NEMF: variants seen among roughly 807,000 people sequenced by gnomAD.
NEMF encodes the protein ribosome quality control complex subunit NEMF.
Under a neutral mutation model 162.2 loss-of-function variants are expected in NEMF, and 89 were observed. That is an observed-to-expected ratio of 0.55 (90% CI 0.46 to 0.65). NEMF has a LOEUF of 0.65. NEMF is among the 30% of genes least tolerant of loss of function. The pLI is 0.00. For missense variants in NEMF, 1,133 were observed against 1,261.9 expected (o/e 0.90, Z 1.55); for synonymous variants, 421 against 404.5 (o/e 1.04, Z -0.49).
intron 15 of NEMF, 91 bp from the exon 16 acceptor site, chr14:49,826,046 GTCACAAA>G: frequency 2.7e-6 from 2 of 727,922 alleles, no homozygotes; most frequent in South Asian, 1.8e-5. Context: ...TTTTTTAAAT[GTCACAAA>G]ATGGCACAAT....
intron 28 of NEMF, among the ~76,000 whole-genome samples, chr14:49,788,310 A>G (rs1890275349): frequency 6.6e-6 from 1 of 151,204 alleles, no homozygotes. Context: ...AAGAAGAGGT[A>G]CATATTCATG....
chr14:49,794,427 A>C, intron 26 of NEMF, among the ~76,000 whole-genome samples: 2 of 152,138 alleles, frequency 1.3e-5, no homozygotes, highest in Non-Finnish European at 2.9e-5. Flanking sequence ...GTATGGAAGA[A>C]GGAAAGATCA....
intron 3 of NEMF, among the ~76,000 whole-genome samples, chr14:49,849,018 T>C (rs1228600180): frequency 6.6e-6 from 1 of 152,096 alleles, no homozygotes; most frequent in African/African-American, 2.4e-5. Flanking sequence ...AGAGTTCTTC[T>C]CCAGACCTTA....
At chr14:49,795,389 G>A (rs1339216153) in intron 26 of NEMF, among the ~76,000 whole-genome samples, 1 of 152,030 alleles carries the variant, frequency 6.6e-6, no homozygotes. Context: ...CAGGGGCAGT[G>A]TGGAAAGAGT....
At position 49,784,798 on chromosome 14, in the gene NEMF, A is replaced by G. The variant is rs183765250; in HGVS notation, c.3154-85T>C. On this transcript the variant is annotated intron_variant, in intron 32 of 32. Transcript: ENST00000298310. ...ATGACAAAAACGAAAAACATTTCCAAACTTTTAGCTGAGATGGTTTTACTG... is the reference window on the plus strand; with the variant it reads ...ATGACAAAAACGAAAAACATTTCCAGACTTTTAGCTGAGATGGTTTTACTG... 4.5e-5 allele frequency: 65 copies of G among 1,436,188 alleles called. 2 individuals are homozygous for G. In the East Asian group the frequency reaches 1.2e-3, roughly 27 times the overall value. 89.0% of individuals were successfully genotyped at this position (1,436,188 alleles called of 1,614,324 possible).
chr14:49,829,280 A>G lies in NEMF; in HGVS notation c.1024-18T>C. ...TCTATTTCCTTAAAAAACAAACCAC[A>G]CACATTTACTACATTGCCAGTTAAA... is the stretch of plus-strand genomic sequence containing the variant. On this transcript the variant is annotated intron_variant, in intron 12 of 32. Transcript: ENST00000298310. 6.2e-7 allele frequency: 1 copy of G among 1,613,636 alleles called. No individual in the cohort carries two copies. The highest frequency in any genetic ancestry group is 8.5e-7 in the Non-Finnish European group (1 of 1,179,574).
intron 3 of NEMF, among the ~76,000 whole-genome samples, chr14:49,850,251 T>G (rs1030999444): frequency 6.6e-6 from 1 of 152,120 alleles, no homozygotes; most frequent in South Asian, 2.1e-4. Flanking sequence ...TACAGGTGTG[T>G]GCCACCACGC....
Position 49,782,391 on chromosome 14 carries a change from C to T in NEMF, c.*2245G>A. 6 of 1,612,480 alleles carry T rather than the reference C, an allele frequency of 3.7e-6. No individual in the cohort carries two copies. Among genetic ancestry groups the T allele is most frequent in the Non-Finnish European group, 5.1e-6 (6 of 1,178,792 alleles). ...GCAGGTTATGGCACACAGCTTGTGCCAGCGATGAAGGAGAAGTAATTGTTT... is the reference window on the plus strand; with the variant it reads ...GCAGGTTATGGCACACAGCTTGTGCTAGCGATGAAGGAGAAGTAATTGTTT... On this transcript the variant is annotated 3_prime_UTR_variant, in exon 33 of 33. Coordinates refer to ENST00000298310, the MANE Select transcript of NEMF (RefSeq NM_004713.6).
rs1239216558 is a variant in NEMF at position 49,800,667 on chromosome 14, T to C, written c.2125A>G (p.Lys709Glu). ...TCCACAGGAGTTTCATGTTCTTCTT[T>C]ATCCTCATCACTGCTCGTGTCACCT... ...DGGDTSSDED[K>E]EEHETPVEVE... Residue 709 changes from lysine to glutamate, a missense_variant, in exon 23 of 33, where the codon AAA becomes GAA. Physicochemically the swap from Lys to Glu is moderately conservative, Grantham distance 56. Coordinates refer to ENST00000298310, the MANE Select transcript of NEMF (RefSeq NM_004713.6). 1.2e-6 allele frequency: 2 copies of C among 1,613,976 alleles called. No individual in the cohort carries two copies. The highest frequency in any genetic ancestry group is 1.7e-6 in the Non-Finnish European group (2 of 1,179,992).
chr14:49,812,636 T>C (rs1407900772), intron 18 of NEMF, among the ~76,000 whole-genome samples: 1 of 152,218 alleles, frequency 6.6e-6, no homozygotes, highest in Non-Finnish European at 1.5e-5. Context: ...GTGGCATCTT[T>C]TGTGATTTCC....
rs139114939 is a variant in NEMF, at chr14:49,836,245, C to G, written c.575-1796G>C. Among the ~76,000 whole-genome samples, 491 of 152,328 alleles carry G rather than the reference C, an allele frequency of 3.2e-3. 2 individuals carry two copies. Among genetic ancestry groups the G allele is most frequent in the African/African-American group, 0.011 (459 of 41,574 alleles). Reference sequence around the variant, plus strand: ...AGTGAGCCGAGATCATGCCACTGCACTCCAGCCTGGGCAACAGAATGAGAT... The same window carrying G: ...AGTGAGCCGAGATCATGCCACTGCAGTCCAGCCTGGGCAACAGAATGAGAT... On this transcript the variant is annotated intron_variant, in intron 6 of 32. Transcript: ENST00000298310.
chr14:49,812,056 A>AT (rs549936897), intron 18 of NEMF, among the ~76,000 whole-genome samples: 83 of 152,044 alleles, frequency 5.5e-4, no homozygotes, highest in African/African-American at 2.0e-3. Flanking sequence ...TTTGATGAGT[A>AT]TTTTTTTAAT....
At chr14:49,831,970 A>G in intron 10 of NEMF, 81 bp downstream of exon 10, 2 of 862,268 alleles carry the variant, frequency 2.3e-6, no homozygotes, top group South Asian at 1.8e-5. Context: ...GTATAGTTTC[A>G]GTTTCTCAAT....
At chr14:49,815,520 C>A (rs1891674056) in intron 16 of NEMF, among the ~76,000 whole-genome samples, 1 of 152,170 alleles carries the variant, frequency 6.6e-6, no homozygotes, top group Non-Finnish European at 1.5e-5. Flanking sequence ...TTAATCCACA[C>A]TTTTTAAAAC....
At chr14:49,849,527 G>C (rs1250288296) in intron 3 of NEMF, 1 of 152,188 alleles carries the variant, frequency 6.6e-6, no homozygotes, top group Non-Finnish European at 1.5e-5. Flanking sequence ...GATTTATAAA[G>C]TGCTTAACAT....
chr14:49,843,134 T>C (rs1185997315), intron 4 of NEMF, among the ~76,000 whole-genome samples: 1 of 152,000 alleles, frequency 6.6e-6, no homozygotes, highest in African/African-American at 2.4e-5. Context: ...AGAGATCATA[T>C]CAAATGTTGC....
chr14:49,808,723 A>C (rs1242164528), intron 18 of NEMF, among the ~76,000 whole-genome samples: 1 of 151,226 alleles, frequency 6.6e-6, no homozygotes, highest in Admixed American at 6.7e-5. Flanking sequence ...TAGTAGTGCC[A>C]TACTACCGTT....
rs1889937433 is a variant in NEMF at position 49,782,212 on chromosome 14, C to T, written c.*2424G>A. 1 of 547,128 alleles carries T rather than the reference C, an allele frequency of 1.8e-6. No individual in the cohort carries two copies. Among genetic ancestry groups the T allele is most frequent in the South Asian group, 2.7e-5 (1 of 36,958 alleles). 33.9% of individuals were successfully genotyped at this position (547,128 alleles called of 1,614,324 possible). On this transcript the variant is annotated 3_prime_UTR_variant, in exon 33 of 33. Transcript: ENST00000298310. Reference sequence around the variant, plus strand: ...GATAAAATAGATATTGATTGATCTGCTTTTGCTACTTTCCCTTAAGATTTT... The same window carrying T: ...GATAAAATAGATATTGATTGATCTGTTTTTGCTACTTTCCCTTAAGATTTT...
intron 3 of NEMF, among the ~76,000 whole-genome samples, chr14:49,850,878 G>A (rs2140039535): frequency 6.6e-6 from 1 of 152,110 alleles, no homozygotes; most frequent in East Asian, 1.9e-4. Flanking sequence ...ACCATAAAAG[G>A]TGAGGTAACT....
Sources: allele counts gnomAD v4.1 joint callset (sites outside exome capture counted in the v4.1 genomes callset), GRCh38; gene constraint gnomAD v4.1.1; transcripts MANE v1.5; gene names NCBI Gene and HGNC (gene_info 2026-07-23, HGNC 2026-07-21).